Variants in HERC1 observed in about 807,000 individuals in gnomAD.
The protein encoded by HERC1 is HECT and RLD domain containing E3 ubiquitin protein ligase family member 1.
Under a neutral mutation model 554.3 loss-of-function variants are expected in HERC1, and 160 were observed. The observed-to-expected ratio is 0.29, with a 90% CI of 0.25 to 0.33. HERC1 has a LOEUF of 0.33. HERC1 is among the 10% of genes least tolerant of loss of function. The pLI, the probability that HERC1 is intolerant of heterozygous loss-of-function variation, is 1.00. For missense variants in HERC1, 4,919 were observed against 5,918.5 expected, an observed-to-expected ratio of 0.83 and a Z score of 5.54; for synonymous variants, 2,175 against 2,131.7, an observed-to-expected ratio of 1.02 and a Z score of -0.56.
intron 74 of HERC1, among the ~76,000 whole-genome samples, chr15:63,622,612 C>T (rs746773544): frequency 1.3e-5 from 2 of 152,140 alleles, no homozygotes; most frequent in African/African-American, 2.4e-5. Flanking sequence ...GAATTACAGG[C>T]GTAAGCCACC....
At chr15:63,634,926 G>C in intron 65 of HERC1, 38 bp from the exon 66 acceptor site, 1 of 1,500,640 alleles carries the variant, frequency 6.7e-7, no homozygotes, top group Non-Finnish European at 9.0e-7. Flanking sequence ...TTTTTAAGAA[G>C]GGAAACTAAG....
At chr15:63,815,499 A>T (rs377398452) in intron 1 of HERC1, among the ~76,000 whole-genome samples, 2 of 152,348 alleles carry the variant, frequency 1.3e-5, no homozygotes, top group South Asian at 4.1e-4. Context: ...TGGATGTAGT[A>T]AATGTTACAT....
At position 63,716,402 on chromosome 15, in the gene HERC1, T is replaced by C; in HGVS notation, c.4050A>G (p.Glu1350=). ...EHSFTRTIDE[E]AEMEEQAERD... is the part of the protein sequence containing the mutation. ...TCTCAGCCTGTTCTTCCATTTCAGC[T>C]TCTTCATCAATAGTTCGAGTAAATG... The change falls in exon 22 of 78, where the codon GAA becomes GAG. Residue 1350 remains glutamate (E), a synonymous_variant. Transcript: ENST00000443617. 1 of 1,613,916 alleles carries C rather than the reference T, an allele frequency of 6.2e-7. No individual in the cohort carries two copies. The highest frequency in any genetic ancestry group is 8.5e-7 in the Non-Finnish European group (1 of 1,179,810).
intron 3 of HERC1, among the ~76,000 whole-genome samples, chr15:63,759,493 T>A (rs562467711): frequency 1.3e-5 from 2 of 152,300 alleles, no homozygotes; most frequent in Admixed American, 1.3e-4. Context: ...TGCTTTTAAA[T>A]TTTTTGGCAA....
At chr15:63,702,877 G>T (rs922953960) in intron 25 of HERC1, among the ~76,000 whole-genome samples, 8 of 152,132 alleles carry the variant, frequency 5.3e-5, no homozygotes, top group Admixed American at 6.6e-5. Context: ...AGACCAAGGT[G>T]GGGGGATCAC....
chr15:63,666,326 T>C (rs750252200), intron 41 of HERC1, 30 bp downstream of exon 41: 3 of 1,502,992 alleles, frequency 2.0e-6, no homozygotes, highest in Non-Finnish European at 2.8e-6. Flanking sequence ...CTCATATCTG[T>C]ATACACTGAT....
In HERC1 at chr15:63,677,784, G is replaced by T; in HGVS notation, c.7070+61C>A. The T allele has an allele frequency of 6.4e-7, 1 of 1,552,268 alleles. No individual in the cohort carries two copies. On this transcript the variant is annotated intron_variant, in intron 37 of 77. Coordinates refer to ENST00000443617, the MANE Select transcript of HERC1 (RefSeq NM_003922.4). This position sits in a 1 kb window ranked among gnomAD's most constrained non-coding sequence, Gnocchi z 4.4. ...ATACATAATTACTCACTGTCGACAG[G>T]CAATGGCCTATTTCACCATTAAATA...
At chr15:63,714,198 AG>A (rs1413085240) in intron 22 of HERC1, among the ~76,000 whole-genome samples, 1 of 152,160 alleles carries the variant, frequency 6.6e-6, no homozygotes, top group Non-Finnish European at 1.5e-5. Flanking sequence ...AGGTTTCAAA[AG>A]AAAAAAAAAA....
At chr15:63,614,160 C>T (rs1265184308) in intron 76 of HERC1, among the ~76,000 whole-genome samples, 1 of 152,174 alleles carries the variant, frequency 6.6e-6, no homozygotes. Flanking sequence ...GAGAACAGAA[C>T]AAAGCCAGGG....
At chr15:63,696,099 G>C (rs1177254082) in intron 27 of HERC1, 25 bp downstream of exon 27, 1 of 1,502,524 alleles carries the variant, frequency 6.7e-7, no homozygotes, top group African/African-American at 1.4e-5. Context: ...GTTAAAATCT[G>C]TATATACTGC....
chr15:63,723,034 A>C (rs183473759), intron 19 of HERC1, 148 bp downstream of exon 19: 43 of 496,062 alleles, frequency 8.7e-5, no homozygotes, highest in African/African-American at 7.4e-4. Context: ...CAAAGGGAAA[A>C]ACAAATTGTT....
At chr15:63,690,476 A>G in intron 32 of HERC1, 65 bp downstream of exon 32, 1 of 1,016,014 alleles carries the variant, frequency 9.8e-7, no homozygotes, top group Non-Finnish European at 1.5e-6. Context: ...ACTGTTAAGT[A>G]CAGATTTGGG....
intron 54 of HERC1, 50 bp downstream of exon 54, chr15:63,649,675 A>C (rs1005651400): frequency 1.4e-6 from 2 of 1,475,690 alleles, no homozygotes; most frequent in African/African-American, 2.8e-5. Flanking sequence ...AGCTAAGTCT[A>C]GAAAGGAAGT....
chr15:63,633,100 A>C (rs1003981263), intron 67 of HERC1, among the ~76,000 whole-genome samples: 3 of 152,214 alleles, frequency 2.0e-5, no homozygotes, highest in Non-Finnish European at 4.4e-5. Context: ...GAATTCCAGG[A>C]CCTTTTAAAG....
intron 69 of HERC1, among the ~76,000 whole-genome samples, chr15:63,629,604 C>G (rs1255365279): frequency 6.6e-6 from 1 of 152,196 alleles, no homozygotes; most frequent in African/African-American, 2.4e-5. Flanking sequence ...GGAAGGATCA[C>G]GTCACGGCAC....
rs573648232 is a variant in HERC1, at chr15:63,720,103, C to CTTTT, written c.3743-1210_3743-1207dup. Among the ~76,000 whole-genome samples the CTTTT allele has an allele frequency of 3.2e-3, 230 of 71,596 alleles. 32 individuals carry two copies. Among genetic ancestry groups the CTTTT allele is most frequent in the African/African-American group, 0.011 (189 of 16,612 alleles). 47.0% of individuals were successfully genotyped at this position (71,596 alleles called of 152,430 possible). Reference sequence around the variant, plus strand: ...GGACTAGTCAGGTGCTTTTTCTTCCCTTTTTTTTTTTTTTTAAGAGACAGG... The same window carrying CTTTT: ...GGACTAGTCAGGTGCTTTTTCTTCCCTTTTTTTTTTTTTTTTTTTAAGAGACAGG... On this transcript the variant is annotated intron_variant, in intron 19 of 77. Transcript: ENST00000443617.
intron 48 of HERC1, 72 bp from the exon 49 acceptor site, chr15:63,656,430 A>G: frequency 7.6e-7 from 1 of 1,307,684 alleles, no homozygotes; most frequent in Non-Finnish European, 1.1e-6. Context: ...GCAGTCCCAC[A>G]TAACATTCAC....
intron 2 of HERC1, among the ~76,000 whole-genome samples, chr15:63,765,155 T>C (rs1012595211): frequency 2.0e-5 from 3 of 152,196 alleles, no homozygotes; most frequent in Non-Finnish European, 2.9e-5. Flanking sequence ...TTATCTTATA[T>C]AAAATGCCTA....
chr15:63,643,130 A>C lies in HERC1; in HGVS notation c.11332-72T>G, dbSNP rs933751958. The C allele has an allele frequency of 8.4e-6, 9 of 1,077,074 alleles. No individual in the cohort carries two copies. In the South Asian group the frequency reaches 1.2e-4, roughly 15 times the overall value. The allele number at this position is 1,077,074 out of a possible 1,614,324, so 66.7% of individuals were successfully genotyped here. ...TAATTTACATTTAAATTTCTATTTC[A>C]CATTGACAAAAACATATTCTAAAGT... On this transcript the variant is annotated intron_variant, in intron 58 of 77. Coordinates refer to ENST00000443617, the MANE Select transcript of HERC1 (RefSeq NM_003922.4).
Sources: allele counts gnomAD v4.1 joint callset (sites outside exome capture counted in the v4.1 genomes callset), GRCh38; gene constraint gnomAD v4.1.1; non-coding constraint Gnocchi (gnomAD v3.1); transcripts MANE v1.5; gene names NCBI Gene and HGNC (gene_info 2026-07-23, HGNC 2026-07-21).